The following TRMT1L variants were observed in gnomAD, a reference collection of about 807,000 sequenced individuals.
The protein encoded by TRMT1L is tRNA (guanine(27)-N(2))-dimethyltransferase.
In TRMT1L, 28 loss-of-function variants were observed where a neutral mutation model predicts 81.6. That is an observed-to-expected ratio of 0.34 (90% CI 0.25 to 0.47). The LOEUF is 0.47. Ranked by LOEUF, TRMT1L falls within the 20% of genes least tolerant of loss-of-function variation. The pLI is 1.00. For synonymous variants in TRMT1L, 301 were observed against 303.2 expected, an observed-to-expected ratio of 0.99 and a Z score of 0.07; for missense variants, 739 against 877.1, an observed-to-expected ratio of 0.84 and a Z score of 1.99.
At chr1:185,153,613 T>C (rs533657086) in intron 1 of TRMT1L, among the ~76,000 whole-genome samples, 46 of 152,304 alleles carry the variant, frequency 3.0e-4, no homozygotes, top group Middle Eastern at 3.4e-3. Context: ...AGGTTTTTCT[T>C]TTTTTGAGAA....
At position 185,120,501 on chromosome 1, in the gene TRMT1L, T is replaced by G; in HGVS notation, c.1831A>C (p.Lys611Gln). 1 of 1,581,704 alleles carries G rather than the reference T, an allele frequency of 6.3e-7. No homozygotes were observed. Among genetic ancestry groups the G allele is most frequent in the Non-Finnish European group, 8.6e-7 (1 of 1,168,372 alleles). Residue 611 changes from lysine (K) to glutamine (Q), a missense_variant, in exon 14 of 15, where the codon AAA (lysine) becomes CAA (glutamine). Transcript: ENST00000367506. ...TDNYIAQGKRKSNEMITNLGK... is the reference protein window; with the variant it reads ...TDNYIAQGKRQSNEMITNLGK... ...AAATTTGTGATCATTTCATTACTTT[T>G]TCTCTTTCCTGCAACATACACATAC...
chr1:185,139,272 T>G (rs1278330532), intron 9 of TRMT1L, 95 bp downstream of exon 9: 2 of 950,702 alleles, frequency 2.1e-6, no homozygotes, highest in Non-Finnish European at 3.1e-6. Flanking sequence ...ATTTATATTT[T>G]GTGCATATTT....
At chr1:185,149,067 A>T (rs1382598026) in intron 3 of TRMT1L, among the ~76,000 whole-genome samples, 3 of 152,212 alleles carry the variant, frequency 2.0e-5, no homozygotes, top group Non-Finnish European at 4.4e-5. Context: ...ATGGAATATT[A>T]TAAAATCTTC....
At chr1:185,143,480 C>G in intron 6 of TRMT1L, 44 bp from the exon 7 acceptor site, 4 of 1,528,588 alleles carry the variant, frequency 2.6e-6, no homozygotes, top group Non-Finnish European at 3.6e-6. Flanking sequence ...CATGGCTTCA[C>G]CATCATAGAT....
Position 185,132,529 on chromosome 1 carries a change from T to A in TRMT1L, c.1514-3782A>T, listed in dbSNP as rs200015735. 1.1e-3 allele frequency among the ~76,000 whole-genome samples: 165 copies of A among 147,426 alleles called. 2 individuals carry two copies. Among genetic ancestry groups the A allele is most frequent in the East Asian group, 3.8e-3 (19 of 5,046 alleles). On this transcript the variant is annotated intron_variant, in intron 10 of 14. Transcript: ENST00000367506. ...GCGATACTCCACCTCAAAAAAAAAATAAATAAAAATAAAAATAAAAATAAA... is the reference window on the plus strand; with the variant it reads ...GCGATACTCCACCTCAAAAAAAAAAAAAATAAAAATAAAAATAAAAATAAA...
At chr1:185,155,141 T>C (rs1008843604) in intron 1 of TRMT1L, among the ~76,000 whole-genome samples, 2 of 152,248 alleles carry the variant, frequency 1.3e-5, no homozygotes, top group Non-Finnish European at 2.9e-5. Flanking sequence ...GTATACCTTC[T>C]TCAAATTACA....
intron 10 of TRMT1L, among the ~76,000 whole-genome samples, chr1:185,133,569 C>T (rs890558870): frequency 6.6e-6 from 1 of 151,432 alleles, no homozygotes; most frequent in Non-Finnish European, 1.5e-5. Context: ...TGCTGGCACT[C>T]ACTCACTCTC....
At chr1:185,123,631 C>T (rs980852552) in intron 13 of TRMT1L, among the ~76,000 whole-genome samples, 1 of 151,940 alleles carries the variant, frequency 6.6e-6, no homozygotes, top group African/African-American at 2.4e-5. Flanking sequence ...TCATACAGTT[C>T]GTTCAAAGGG....
chr1:185,147,218 A>T lies in TRMT1L; in HGVS notation c.489T>A (p.Pro163=). 1.9e-6 allele frequency: 3 copies of T among 1,611,002 alleles called. No homozygotes were observed. Among genetic ancestry groups the T allele is most frequent in the Non-Finnish European group, 2.5e-6 (3 of 1,178,020 alleles). ...EGYRMCICHL[P]CRPVKPNIIG... Reference sequence around the variant, plus strand: ...TAATGTTTGGTTTCACTGGTCGACAAGGTAAGTGACAGATGCACATCCTGT... The same window carrying T: ...TAATGTTTGGTTTCACTGGTCGACATGGTAAGTGACAGATGCACATCCTGT... The change falls in exon 4 of 15, where the codon CCT becomes CCA. Residue 163 remains proline, a synonymous_variant. Coordinates refer to ENST00000367506, the MANE Select transcript of TRMT1L (RefSeq NM_030934.5).
intron 11 of TRMT1L, 91 bp downstream of exon 11, chr1:185,128,578 A>G: frequency 8.2e-7 from 1 of 1,214,714 alleles, no homozygotes; most frequent in Non-Finnish European, 1.2e-6. Flanking sequence ...TTGAATTTAA[A>G]TTTGTCTTTT....
At chr1:185,120,359 T>C in intron 14 of TRMT1L, 24 bp downstream of exon 14, 1 of 1,510,620 alleles carries the variant, frequency 6.6e-7, no homozygotes, top group Non-Finnish European at 8.8e-7. Flanking sequence ...ATATATATAC[T>C]TTGTCATTCA....
rs1013334045 is a variant in TRMT1L at position 185,156,919 on chromosome 1, G to C, written c.-207C>G. 34 of 665,542 alleles carry C rather than the reference G, an allele frequency of 5.1e-5. No homozygotes were observed. Among genetic ancestry groups the C allele is most frequent in the Non-Finnish European group, 7.4e-5 (31 of 419,550 alleles). The allele number at this position is 665,542 out of a possible 1,614,324, so 41.2% of individuals were successfully genotyped here. A position where few individuals can be genotyped will look rare whatever the true frequency, so the allele number is the denominator to read the frequency against. On this transcript the variant is annotated 5_prime_UTR_variant, in exon 1 of 15. It adds an upstream start codon to the 5' untranslated region. Transcript: ENST00000367506. ...CAGAAAGCCAGAGGCAGCGATTCCA[G>C]ATGCCCGTCCGCTTCCCTTTCCCCG...
intron 8 of TRMT1L, 147 bp downstream of exon 8, chr1:185,139,826 T>C: frequency 1.0e-6 from 1 of 963,090 alleles, no homozygotes; most frequent in Non-Finnish European, 1.5e-6. Context: ...TAGAAAATTT[T>C]CATACTGCAT....
At chr1:185,144,062 A>T (rs1553247005) in intron 5 of TRMT1L, 33 bp from the exon 6 acceptor site, 1 of 1,550,828 alleles carries the variant, frequency 6.4e-7, no homozygotes. Flanking sequence ...TTTCCAGGGA[A>T]ACACAAAATA....
chr1:185,148,425 C>T (rs560812124), intron 3 of TRMT1L, among the ~76,000 whole-genome samples: 1 of 152,314 alleles, frequency 6.6e-6, no homozygotes, highest in South Asian at 2.1e-4. Flanking sequence ...CTTTCTCTCA[C>T]ACCTCACATC....
rs552879484 is a variant in TRMT1L, at chr1:185,140,287, T to C, written c.860-65A>G. On this transcript the variant is annotated intron_variant, in intron 7 of 14. Transcript: ENST00000367506. ...ATAATTTTAAAGAATAAAAATGGTA[T>C]AACAACATTCAGTTTTATAAATAAC... 5.0e-5 allele frequency: 63 copies of C among 1,266,962 alleles called. No individual in the cohort carries two copies. The African/African-American group carries it at 8.9e-4, about 18-fold the overall frequency. The allele number at this position is 1,266,962 out of a possible 1,614,324, so 78.5% of individuals were successfully genotyped here.
Position 185,125,017 on chromosome 1 carries a change from T to C in TRMT1L, c.1686A>G (p.Thr562=). The change falls in exon 12 of 15, where the codon ACA becomes ACG. Residue 562 remains threonine (T), a synonymous_variant. Transcript: ENST00000367506. ...GCGTACACTCTGATTCAAAGATTAATGTCTTTATTAGGGTCTGAATGTCAT... is the reference window on the plus strand; with the variant it reads ...GCGTACACTCTGATTCAAAGATTAACGTCTTTATTAGGGTCTGAATGTCAT... ...GLDDIQTLIK[T]LIFESECTPQ... is the part of the protein sequence containing the mutation. 6.2e-7 allele frequency: 1 copy of C among 1,613,408 alleles called. No homozygotes were observed. The highest frequency in any genetic ancestry group is 8.5e-7 in the Non-Finnish European group (1 of 1,179,592).
intron 10 of TRMT1L, among the ~76,000 whole-genome samples, chr1:185,136,813 A>G (rs182324241): frequency 7.9e-5 from 12 of 152,322 alleles, no homozygotes; most frequent in African/African-American, 2.9e-4. Context: ...ACTCAAATAC[A>G]TGTGGAAATT....
At chr1:185,128,896 ATGTG>A (rs549099776) in intron 10 of TRMT1L, 149 bp from the exon 11 acceptor site, 20 of 664,962 alleles carry the variant, frequency 3.0e-5, no homozygotes, top group Non-Finnish European at 4.9e-5. Context: ...GTATGTATAT[ATGTG>A]TGTGTGCATA....
Sources: gnomAD v4.1 joint callset for allele counts (sites outside exome capture counted in the v4.1 genomes callset) on GRCh38, gnomAD v4.1.1 for gene constraint, MANE v1.5 for transcripts, NCBI Gene and HGNC (gene_info 2026-07-23, HGNC 2026-07-21) for gene names.